DPP6: variants seen among roughly 807,000 people sequenced by gnomAD.
DPP6 encodes the protein dipeptidyl peptidase like 6, also known as A-type potassium channel modulatory protein DPP6.
DPP6 carries 69 observed loss-of-function variants against 122.6 expected under a neutral mutation model. The observed-to-expected ratio is 0.56, with a 90% CI of 0.46 to 0.69. The LOEUF (loss-of-function observed/expected upper bound fraction) is 0.69. Ranked by LOEUF, DPP6 falls within the 30% of genes least tolerant of loss-of-function variation. The pLI, the probability that DPP6 is intolerant of heterozygous loss-of-function variation, is 0.00. For synonymous variants in DPP6, 418 were observed against 433.1 expected, an observed-to-expected ratio of 0.97 and a Z score of 0.43; for missense variants, 928 against 1,116.9, an observed-to-expected ratio of 0.83 and a Z score of 2.41.
rs60811942 is a variant in DPP6 at position 154,109,845 on chromosome 7, G to A, written c.243+56782G>A. ...TGTTATGATTGTAGAACAAGGAGAG[G>A]GGACCCTCCAGTACTCAGTGTCTTT... On this transcript the variant is annotated intron_variant, in intron 1 of 25. Transcript: ENST00000377770. Among the ~76,000 whole-genome samples the A allele has an allele frequency of 9.2e-3, 1,305 of 141,188 alleles. 17 individuals carry two copies. The highest frequency in any genetic ancestry group is 0.033 in the African/African-American group (1,218 of 37,108). 92.6% of individuals were successfully genotyped at this position (141,188 alleles called of 152,430 possible). A position where few individuals can be genotyped will look rare whatever the true frequency, so the allele number is the denominator to read the frequency against.
chr7:154,407,206 G>C (rs1816191186), intron 1 of DPP6, among the ~76,000 whole-genome samples: 3 of 152,116 alleles, frequency 2.0e-5, no homozygotes, highest in South Asian at 4.1e-4. Context: ...TCCTCCCCAT[G>C]TTTAAATTTC....
chr7:154,165,506 C>G (rs1797201155), intron 1 of DPP6, among the ~76,000 whole-genome samples: 1 of 150,864 alleles, frequency 6.6e-6, no homozygotes, highest in African/African-American at 2.5e-5. Context: ...ATTTATAGTC[C>G]TTTGGGTATA....
chr7:153,817,578 A>G, the DPP6 span, among the ~76,000 whole-genome samples: 4 of 152,070 alleles, frequency 2.6e-5, no homozygotes, highest in South Asian at 6.3e-4. Context: ...GCCATGGAAT[A>G]CTATGCAGCC....
intron 1 of DPP6, among the ~76,000 whole-genome samples, chr7:154,291,307 T>C (rs538667060): frequency 3.9e-5 from 6 of 152,172 alleles, no homozygotes; most frequent in East Asian, 1.9e-4. Context: ...ATTGGTTTCA[T>C]TGCAAAAAGG....
rs377295812 is a variant in DPP6, at chr7:154,624,847, C to A, written c.628-12974C>A. On this transcript the variant is annotated intron_variant, in intron 5 of 25. Coordinates refer to ENST00000377770, the MANE Select transcript of DPP6 (RefSeq NM_130797.4). This position sits in a 1 kb window ranked among gnomAD's most constrained non-coding sequence, Gnocchi z 4.7. ...TATGCTAACAGAAGCAGGCACACAG[C>A]GGCCCCGTCTTCCTCCCATCTGTGA... Among the ~76,000 whole-genome samples the A allele has an allele frequency of 6.6e-6, 1 of 152,184 alleles. No homozygotes were observed. Among genetic ancestry groups the A allele is most frequent in the Admixed American group, 6.5e-5 (1 of 15,278 alleles).
chr7:154,889,335 A>C lies in DPP6; in HGVS notation c.2368A>C (p.Thr790Pro). 1 of 1,611,420 alleles carries C rather than the reference A, an allele frequency of 6.2e-7. No homozygotes were observed. ...EEQQFLIIHP[T>P]ADEKIHFQHT... ...ACAGCAGTTCCTGATCATTCATCCC[A>C]CTGCCGATGGTAAGGACTGAAAACA... is the stretch of plus-strand genomic sequence containing the variant. Residue 790 changes from threonine to proline, a missense_variant, in exon 24 of 26, where the codon ACT becomes CCT. By Grantham distance (38) the Thr-to-Pro change is conservative. Coordinates refer to ENST00000377770, the MANE Select transcript of DPP6 (RefSeq NM_130797.4).
chr7:153,822,638 G>C, the DPP6 span, among the ~76,000 whole-genome samples: 4 of 152,266 alleles, frequency 2.6e-5, no homozygotes, highest in African/African-American at 9.6e-5. Context: ...CTAATAATTA[G>C]AAAGCATTCC....
chr7:154,874,855 G>A (rs1351132329), intron 19 of DPP6, among the ~76,000 whole-genome samples: 1 of 152,240 alleles, frequency 6.6e-6, no homozygotes, highest in Non-Finnish European at 1.5e-5. Flanking sequence ...GCTGGTCAAT[G>A]AGGAACAACC....
chr7:153,981,681 T>A (rs1271229372), intron 1 of DPP6, among the ~76,000 whole-genome samples: 3 of 152,210 alleles, frequency 2.0e-5, no homozygotes, highest in Non-Finnish European at 4.4e-5. Flanking sequence ...TGGCTGTTAC[T>A]AGTTTTCCCT....
chr7:153,951,863 T>G (rs1802233346), intron 1 of DPP6, among the ~76,000 whole-genome samples: 1 of 152,008 alleles, frequency 6.6e-6, no homozygotes, highest in African/African-American at 2.4e-5. Flanking sequence ...GTCAACATGG[T>G]GAAACCCCGT....
At chr7:154,447,466 C>A (rs1163350621) in intron 2 of DPP6, among the ~76,000 whole-genome samples, 1 of 151,952 alleles carries the variant, frequency 6.6e-6, no homozygotes, top group East Asian at 1.9e-4. Flanking sequence ...AAGCATTAGA[C>A]CTTAAGATGA....
At chr7:154,064,529 A>G (rs1336447624) in intron 1 of DPP6, among the ~76,000 whole-genome samples, 5 of 152,182 alleles carry the variant, frequency 3.3e-5, no homozygotes, top group African/African-American at 7.2e-5. Flanking sequence ...TACCTCTACT[A>G]AAGTAACCTA....
chr7:154,377,766 A>G (rs1813252835), intron 1 of DPP6, among the ~76,000 whole-genome samples: 1 of 152,196 alleles, frequency 6.6e-6, no homozygotes, highest in African/African-American at 2.4e-5. Context: ...CTCTTTTTAA[A>G]TAAATTACCC....
intron 10 of DPP6, among the ~76,000 whole-genome samples, chr7:154,779,087 ACC>A (rs1796829581): frequency 7.3e-6 from 1 of 136,610 alleles, no homozygotes; most frequent in Non-Finnish European, 1.6e-5. Flanking sequence ...CACCTCCACA[ACC>A]TCTACCACCA....
At chr7:154,097,892 T>A (rs1313043671) in intron 1 of DPP6, among the ~76,000 whole-genome samples, 1 of 151,870 alleles carries the variant, frequency 6.6e-6, no homozygotes, top group Admixed American at 6.6e-5. Flanking sequence ...ACTGAGGGAG[T>A]GGTGGGAGGG....
chr7:153,770,856 C>A, the DPP6 span, among the ~76,000 whole-genome samples: 2 of 152,080 alleles, frequency 1.3e-5, no homozygotes, highest in African/African-American at 2.4e-5. Context: ...ACATGCTCAC[C>A]AGTAGATTAA....
intron 1 of DPP6, among the ~76,000 whole-genome samples, chr7:154,175,575 G>A (rs1162810530): frequency 6.6e-6 from 1 of 152,102 alleles, no homozygotes. Context: ...TGCTGGACCT[G>A]GGACCTATAG....
chr7:154,166,890 GA>G (rs1797279538), intron 1 of DPP6, among the ~76,000 whole-genome samples: 1 of 148,214 alleles, frequency 6.7e-6, no homozygotes, highest in Non-Finnish European at 1.5e-5. Flanking sequence ...TAGCCTGAGC[GA>G]CAGAGTGAGA....
chr7:154,876,247 C>T, intron 20 of DPP6, 147 bp downstream of exon 20: 8 of 1,271,686 alleles, frequency 6.3e-6, no homozygotes, highest in Non-Finnish European at 7.0e-6. Context: ...CTTGGCCATT[C>T]CAAAGAAGTT....
Sources: gnomAD v4.1 joint callset for allele counts (sites outside exome capture counted in the v4.1 genomes callset) on GRCh38, gnomAD v4.1.1 for gene constraint, Gnocchi (gnomAD v3.1) non-coding constraint, MANE v1.5 for transcripts, NCBI Gene and HGNC (gene_info 2026-07-23, HGNC 2026-07-21) for gene names.